The following PAPPA2 variants were observed in gnomAD, a reference collection of about 807,000 sequenced individuals.
PAPPA2 encodes pappalysin 2.
In PAPPA2, 86 loss-of-function variants were observed where a neutral mutation model predicts 176.4. The observed-to-expected ratio is 0.49, with a 90% confidence interval of 0.41 to 0.58. The LOEUF (loss-of-function observed/expected upper bound fraction) is 0.58. Ranked by LOEUF, PAPPA2 falls within the 20% of genes least tolerant of loss-of-function variation. The pLI, the probability that PAPPA2 is intolerant of heterozygous loss-of-function variation, is 0.00. For missense variants in PAPPA2, 2,073 were observed against 2,256.9 expected, an observed-to-expected ratio of 0.92 and a Z score of 1.65; for synonymous variants, 809 against 852.2, an observed-to-expected ratio of 0.95 and a Z score of 0.88.
intron 14 of PAPPA2, among the ~76,000 whole-genome samples, chr1:176,751,076 A>G (rs1358953999): frequency 6.6e-6 from 1 of 151,870 alleles, no homozygotes; most frequent in Non-Finnish European, 1.5e-5. Flanking sequence ...CAGTTTTCCC[A>G]GCACCATTTG....
At chr1:176,711,795 C>A in intron 11 of PAPPA2, 40 bp from the exon 12 acceptor site, 1 of 1,573,556 alleles carries the variant, frequency 6.4e-7, no homozygotes, top group Non-Finnish European at 8.7e-7. Context: ...TATATCTTCA[C>A]ACTCCACACT....
chr1:176,691,165 C>T (rs1660105195), intron 5 of PAPPA2: 1 of 983,490 alleles, frequency 1.0e-6, no homozygotes, highest in Non-Finnish European at 1.2e-6. Context: ...ATAATGGACT[C>T]AAAGTTATCC....
At chr1:176,653,123 T>C (rs1301164587) in intron 3 of PAPPA2, among the ~76,000 whole-genome samples, 3 of 151,700 alleles carry the variant, frequency 2.0e-5, no homozygotes, top group South Asian at 2.1e-4. Context: ...TGGAAGTATA[T>C]GTTTAGAACA....
chr1:176,667,028 C>G (rs1167920893), intron 3 of PAPPA2, among the ~76,000 whole-genome samples: 2 of 151,980 alleles, frequency 1.3e-5, no homozygotes, highest in African/African-American at 2.4e-5. Context: ...GGCAGATCAT[C>G]TGAGGTCAGG....
chr1:176,703,780 T>G (rs535927899), intron 9 of PAPPA2, among the ~76,000 whole-genome samples: 3 of 152,308 alleles, frequency 2.0e-5, no homozygotes, highest in Non-Finnish European at 4.4e-5. Flanking sequence ...CTCGATAATA[T>G]GTGGAAGCCA....
intron 4 of PAPPA2, among the ~76,000 whole-genome samples, chr1:176,681,396 C>A (rs1212631210): frequency 6.6e-6 from 1 of 152,140 alleles, no homozygotes; most frequent in Non-Finnish European, 1.5e-5. Context: ...AAACTTGAAC[C>A]TGGATCATGG....
At chr1:176,677,039 T>TA (rs932668411) in intron 4 of PAPPA2, among the ~76,000 whole-genome samples, 1 of 152,152 alleles carries the variant, frequency 6.6e-6, no homozygotes, top group South Asian at 2.1e-4. Context: ...TTTTCAGAAG[T>TA]AAAAAACTAG....
At chr1:176,764,689 CG>C (rs1283179521) in intron 14 of PAPPA2, among the ~76,000 whole-genome samples, 17 of 151,926 alleles carry the variant, frequency 1.1e-4, no homozygotes, top group African/African-American at 4.1e-4. Flanking sequence ...CTCCGCCTCC[CG>C]GGTTCACGCC....
intron 2 of PAPPA2, among the ~76,000 whole-genome samples, chr1:176,574,371 G>T (rs1352015585): frequency 6.6e-6 from 1 of 151,966 alleles, no homozygotes; most frequent in East Asian, 1.9e-4. Flanking sequence ...AGGTATTGAG[G>T]ATTTCTCTAT....
intron 3 of PAPPA2, among the ~76,000 whole-genome samples, chr1:176,654,203 C>T (rs1168507406): frequency 2.6e-5 from 4 of 151,486 alleles, no homozygotes; most frequent in Non-Finnish European, 5.9e-5. Flanking sequence ...ACATTGAAGT[C>T]GTTAATCCAT....
At chr1:176,787,736 T>C (rs962742747) in intron 17 of PAPPA2, among the ~76,000 whole-genome samples, 1 of 141,972 alleles carries the variant, frequency 7.0e-6, no homozygotes, top group Non-Finnish European at 1.5e-5. Context: ...TTAACATCCT[T>C]TAGTGTGTTT....
chr1:176,844,545 T>C lies in PAPPA2; in HGVS notation c.*2091T>C, dbSNP rs998183712. The C allele has an allele frequency of 2.6e-5, 4 of 152,104 alleles. No homozygotes were observed. The highest frequency in any genetic ancestry group is 9.7e-5 in the African/African-American group (4 of 41,424). The allele number at this position is 152,104 out of a possible 1,614,324, so 9.4% of individuals were successfully genotyped here. ...CTACTAATCTCTAGTGTAAAGAAAA[T>C]GTAGTTCAGATACCATTCATTGTCT... On this transcript the variant is annotated 3_prime_UTR_variant, in exon 23 of 23. Transcript: ENST00000367662.
intron 2 of PAPPA2, among the ~76,000 whole-genome samples, chr1:176,559,677 C>T (rs1280624866): frequency 1.3e-5 from 2 of 152,236 alleles, no homozygotes; most frequent in Non-Finnish European, 2.9e-5. Flanking sequence ...TCTATTCCTA[C>T]GATGGCTGGC....
chr1:176,792,331 G>T (rs1665213409), intron 19 of PAPPA2, among the ~76,000 whole-genome samples: 1 of 152,198 alleles, frequency 6.6e-6, no homozygotes, highest in South Asian at 2.1e-4. Flanking sequence ...AACTGCATTA[G>T]CAAGGAGTAA....
intron 2 of PAPPA2, among the ~76,000 whole-genome samples, chr1:176,580,651 T>G (rs1490770734): frequency 1.4e-5 from 2 of 147,652 alleles, no homozygotes; most frequent in East Asian, 4.0e-4. Flanking sequence ...ATTTTTTTTT[T>G]GTCTTTTTAG....
At chr1:176,484,310 A>G (rs1558395720) in intron 1 of PAPPA2, among the ~76,000 whole-genome samples, 1 of 152,136 alleles carries the variant, frequency 6.6e-6, no homozygotes, top group Non-Finnish European at 1.5e-5. Flanking sequence ...AAAATAATAT[A>G]TATGTGTATG....
At chr1:176,777,650 C>T (rs562953104) in intron 17 of PAPPA2, among the ~76,000 whole-genome samples, 2 of 152,116 alleles carry the variant, frequency 1.3e-5, no homozygotes, top group South Asian at 4.2e-4. Context: ...GCTTTTTGAC[C>T]TTGAGCAAGT....
chr1:176,704,222 G>T (rs915512464), intron 9 of PAPPA2, among the ~76,000 whole-genome samples: 2 of 152,160 alleles, frequency 1.3e-5, no homozygotes, highest in African/African-American at 2.4e-5. Context: ...AGCACTGCTT[G>T]GCTACTGGGT....
chr1:176,842,518 A>C lies in PAPPA2; in HGVS notation c.*64A>C. 2 of 1,373,712 alleles carry C rather than the reference A, an allele frequency of 1.5e-6. No individual in the cohort carries two copies. 85.1% of individuals were successfully genotyped at this position (1,373,712 alleles called of 1,614,324 possible). On this transcript the variant is annotated 3_prime_UTR_variant, in exon 23 of 23. Transcript: ENST00000367662. ...AGTAAGAAAGAGAGGCCGACCCAGG[A>C]GGAAACAAAGGGTGAATGAAGAAGA... is the stretch of plus-strand genomic sequence containing the variant.
Sources: gnomAD v4.1 joint callset for allele counts (sites outside exome capture counted in the v4.1 genomes callset) on GRCh38, gnomAD v4.1.1 for gene constraint, MANE v1.5 for transcripts, NCBI Gene and HGNC (gene_info 2026-07-23, HGNC 2026-07-21) for gene names.